The following TBC1D19 variants were observed in gnomAD, a reference collection of about 807,000 sequenced individuals.
TBC1D19 encodes the protein TBC1 domain family, member 19.
A neutral mutation model predicts 89.0 loss-of-function variants in TBC1D19; 60 were observed. The observed-to-expected ratio is 0.67, with a 90% CI of 0.55 to 0.84. The LOEUF is 0.84. Among genes scored for constraint, TBC1D19 ranks in the 40% least tolerant of loss-of-function variants. The pLI is 0.00. For synonymous variants in TBC1D19, 189 were observed against 199.7 expected, an observed-to-expected ratio of 0.95 and a Z score of 0.45; for missense variants, 500 against 610.8, an observed-to-expected ratio of 0.82 and a Z score of 1.91.
At chr4:26,593,309 C>T (rs1739957034) in intron 1 of TBC1D19, among the ~76,000 whole-genome samples, 1 of 152,130 alleles carries the variant, frequency 6.6e-6, no homozygotes, top group African/African-American at 2.4e-5. Context: ...AAACTGGATC[C>T]CTTCCTTACA....
chr4:26,584,860 T>G (rs1428028508), intron 1 of TBC1D19: 1 of 177,430 alleles, frequency 5.6e-6, no homozygotes, highest in African/African-American at 2.4e-5. Context: ...ATTGAGATCC[T>G]TGCCTTTTTG....
intron 11 of TBC1D19, among the ~76,000 whole-genome samples, chr4:26,680,233 G>T (rs1011427764): frequency 3.3e-5 from 5 of 152,110 alleles, no homozygotes; most frequent in African/African-American, 1.2e-4. Flanking sequence ...CTTCATAGCA[G>T]CATGATAATG....
At chr4:26,828,366 G>A in the TBC1D19 span, among the ~76,000 whole-genome samples, 1 of 152,212 alleles carries the variant, frequency 6.6e-6, no homozygotes, top group Non-Finnish European at 1.5e-5. Flanking sequence ...TCCGTTACTG[G>A]AGCAGAGCCA....
At chr4:26,658,242 G>C (rs1560452797) in intron 7 of TBC1D19, among the ~76,000 whole-genome samples, 3 of 152,058 alleles carry the variant, frequency 2.0e-5, no homozygotes, top group Admixed American at 2.0e-4. Flanking sequence ...AGTCTTTAAT[G>C]CATATTGAGT....
intron 1 of TBC1D19, among the ~76,000 whole-genome samples, chr4:26,598,917 A>G (rs949615213): frequency 2.0e-5 from 3 of 152,140 alleles, no homozygotes; most frequent in African/African-American, 7.2e-5. Flanking sequence ...AATAGAAAAA[A>G]TAGAAAATTA....
the TBC1D19 span, among the ~76,000 whole-genome samples, chr4:26,831,804 A>G: frequency 6.6e-6 from 1 of 151,892 alleles, no homozygotes; most frequent in Non-Finnish European, 1.5e-5. Flanking sequence ...TGTTAGCCAG[A>G]ATAGTCTCAA....
At chr4:26,827,379 C>G in the TBC1D19 span, among the ~76,000 whole-genome samples, 1 of 152,162 alleles carries the variant, frequency 6.6e-6, no homozygotes, top group Non-Finnish European at 1.5e-5. Flanking sequence ...CCAAGGGAGG[C>G]AGATCACTTG....
intron 16 of TBC1D19, among the ~76,000 whole-genome samples, chr4:26,739,119 T>C (rs1457555229): frequency 6.6e-6 from 1 of 152,188 alleles, no homozygotes; most frequent in Admixed American, 6.5e-5. Flanking sequence ...ATGACCACCT[T>C]TGTCAGTGTA....
At chr4:26,633,005 C>T (rs1742892961) in intron 4 of TBC1D19, among the ~76,000 whole-genome samples, 1 of 152,108 alleles carries the variant, frequency 6.6e-6, no homozygotes, top group South Asian at 2.1e-4. Flanking sequence ...ACCCTTCACT[C>T]CCAACCTTTT....
At chr4:26,837,794 G>A in the TBC1D19 span, among the ~76,000 whole-genome samples, 3,737 of 152,268 alleles carry the variant, frequency 0.025, 161 homozygotes, top group African/African-American at 0.085. Context: ...GTCTGGGAAG[G>A]ATGAAATGTT....
At chr4:26,834,673 T>C in the TBC1D19 span, among the ~76,000 whole-genome samples, 2 of 152,186 alleles carry the variant, frequency 1.3e-5, no homozygotes, top group African/African-American at 2.4e-5. Context: ...CAGTCCTTCC[T>C]GCCTTTCTGG....
At chr4:26,820,578 A>T in the TBC1D19 span, among the ~76,000 whole-genome samples, 3 of 152,238 alleles carry the variant, frequency 2.0e-5, no homozygotes, top group Non-Finnish European at 2.9e-5. Context: ...ACCACATTTT[A>T]AAAATCTATT....
At chr4:26,583,629 T>C (rs28474372), upstream of TBC1D19, among the ~76,000 whole-genome samples, 1 of 152,170 alleles carries the variant, frequency 6.6e-6, no homozygotes, top group African/African-American at 2.4e-5. Context: ...AGTGCTATGG[T>C]ACAGTGCTAG....
intron 11 of TBC1D19, among the ~76,000 whole-genome samples, chr4:26,677,088 C>T (rs1712883859): frequency 6.6e-6 from 1 of 152,134 alleles, no homozygotes; most frequent in Non-Finnish European, 1.5e-5. Flanking sequence ...ATTCCTTTTT[C>T]AGTACCACTG....
At chr4:26,739,175 T>C (rs1453815232) in intron 16 of TBC1D19, among the ~76,000 whole-genome samples, 1 of 152,134 alleles carries the variant, frequency 6.6e-6, no homozygotes, top group East Asian at 1.9e-4. Context: ...GATTAGGACT[T>C]TCTGACATTC....
chr4:26,767,181 T>C, the TBC1D19 span, among the ~76,000 whole-genome samples: 5 of 152,206 alleles, frequency 3.3e-5, no homozygotes, highest in African/African-American at 1.2e-4. Flanking sequence ...GTCAACTGAT[T>C]AATAAAAAAT....
At chr4:26,654,398 T>G (rs899517721) in intron 7 of TBC1D19, among the ~76,000 whole-genome samples, 4 of 152,192 alleles carry the variant, frequency 2.6e-5, no homozygotes, top group Admixed American at 2.6e-4. Context: ...TTCTCTGTAT[T>G]TCCTGCATTT....
chr4:26,592,265 AG>A (rs1229599746), intron 1 of TBC1D19, among the ~76,000 whole-genome samples: 2 of 152,254 alleles, frequency 1.3e-5, no homozygotes, highest in African/African-American at 4.8e-5. Context: ...GATGCAGAAA[AG>A]GCCTTTGACA....
chr4:26,607,543 T>C (rs1387820475), intron 1 of TBC1D19, among the ~76,000 whole-genome samples: 1 of 152,192 alleles, frequency 6.6e-6, no homozygotes, highest in Non-Finnish European at 1.5e-5. Context: ...TGAGAGGTGA[T>C]TCCAGATCTT....
Sources: gnomAD v4.1 joint callset for allele counts (sites outside exome capture counted in the v4.1 genomes callset) on GRCh38, gnomAD v4.1.1 for gene constraint, MANE v1.5 for transcripts, NCBI Gene and HGNC (gene_info 2026-07-23, HGNC 2026-07-21) for gene names.